Variants in SYNE2 observed in about 807,000 individuals in gnomAD.
The protein encoded by SYNE2 is spectrin repeat containing nuclear envelope protein 2, also known as nesprin-2.
Under a neutral mutation model 856.3 loss-of-function variants are expected in SYNE2, and 431 were observed. The observed-to-expected ratio is 0.50, with a 90% CI of 0.47 to 0.55. The LOEUF (loss-of-function observed/expected upper bound fraction) is 0.55. SYNE2 is among the 20% of genes least tolerant of loss of function. SYNE2 has a pLI of 0.00. For synonymous variants in SYNE2, 2,923 were observed against 2,872.3 expected (o/e 1.02, Z -0.56); for missense variants, 8,129 against 8,023.2 (o/e 1.01, Z -0.50).
At chr14:64,113,592 T>G in intron 66 of SYNE2, 21 bp downstream of exon 66, 16 of 1,582,412 alleles carry the variant, frequency 1.0e-5, no homozygotes, top group Non-Finnish European at 1.4e-5. Context: ...GAAGTCAGAG[T>G]TCATGGTTTG....
chr14:63,990,661 C>T (rs2096659705), intron 20 of SYNE2, 92 bp downstream of exon 20: 1 of 1,134,422 alleles, frequency 8.8e-7, no homozygotes, highest in East Asian at 2.3e-5. Context: ...AGCCCTGTAG[C>T]TTGGAAATGT....
intron 1 of SYNE2, among the ~76,000 whole-genome samples, chr14:63,825,555 T>C (rs1300252301): frequency 6.6e-6 from 1 of 152,146 alleles, no homozygotes; most frequent in Non-Finnish European, 1.5e-5. Flanking sequence ...GCAAGACTTA[T>C]TCAATGGAAA....
chr14:63,965,296 C>G (rs111393753), intron 10 of SYNE2, among the ~76,000 whole-genome samples: 33 of 152,202 alleles, frequency 2.2e-4, no homozygotes, highest in African/African-American at 7.9e-4. Context: ...AGATACCTTG[C>G]TGGTTTGCAT....
At chr14:64,092,322 T>A (rs993094884) in intron 60 of SYNE2, among the ~76,000 whole-genome samples, 2 of 152,206 alleles carry the variant, frequency 1.3e-5, no homozygotes, top group Non-Finnish European at 2.9e-5. Context: ...GGCAATCAGA[T>A]GTCCCCTCAT....
intron 49 of SYNE2, among the ~76,000 whole-genome samples, chr14:64,061,397 G>C (rs1015805189): frequency 6.6e-6 from 1 of 152,164 alleles, no homozygotes; most frequent in African/African-American, 2.4e-5. Context: ...TAAATATCTA[G>C]GAGTGTGATC....
rs1217220491 is a variant in SYNE2, at chr14:64,017,366, A to C, written c.4888-229A>C. On this transcript the variant is annotated intron_variant, in intron 33 of 115. Coordinates refer to ENST00000555002, the MANE Select transcript of SYNE2 (RefSeq NM_182914.3). ...AAAAAAAAAAAAAGAAATTAGGAAG[A>C]CTATTGATTTCAATTGCATATAAGC... is the stretch of plus-strand genomic sequence containing the variant. Among the ~76,000 whole-genome samples the C allele has an allele frequency of 2.0e-5, 3 of 150,866 alleles. No homozygotes were observed. The South Asian group carries it at 6.3e-4, about 32-fold the overall frequency.
intron 55 of SYNE2, among the ~76,000 whole-genome samples, chr14:64,080,127 T>A (rs955609854): frequency 6.6e-6 from 1 of 152,190 alleles, no homozygotes; most frequent in Non-Finnish European, 1.5e-5. Context: ...AAGCCCTTTT[T>A]AAACAGAATG....
At chr14:64,124,438 C>A (rs917775631) in intron 70 of SYNE2, among the ~76,000 whole-genome samples, 2 of 145,044 alleles carry the variant, frequency 1.4e-5, no homozygotes, top group Admixed American at 1.4e-4. Context: ...TGGTCTTGAA[C>A]TCCCTTGCAC....
intron 19 of SYNE2, among the ~76,000 whole-genome samples, chr14:63,986,974 C>T (rs563208035): frequency 2.0e-5 from 3 of 152,136 alleles, no homozygotes; most frequent in Non-Finnish European, 4.4e-5. Flanking sequence ...TATAATCAGG[C>T]TGGGCGCGGT....
intron 1 of SYNE2, among the ~76,000 whole-genome samples, chr14:63,862,142 A>G (rs1419546367): frequency 6.6e-6 from 1 of 152,236 alleles, no homozygotes; most frequent in Non-Finnish European, 1.5e-5. Flanking sequence ...TTGAAACCAA[A>G]TCATGTGTAG....
At chr14:64,189,053 G>C (rs1028274161) in intron 98 of SYNE2, 3 of 695,012 alleles carry the variant, frequency 4.3e-6, no homozygotes, top group Non-Finnish European at 7.9e-6. Flanking sequence ...GCTCCCCTTG[G>C]CCTGGCGTGG....
At chr14:64,184,840 A>C (rs2098480583) in intron 96 of SYNE2, among the ~76,000 whole-genome samples, 2 of 152,252 alleles carry the variant, frequency 1.3e-5, no homozygotes, top group African/African-American at 4.8e-5. Flanking sequence ...TCTCTGGGCC[A>C]TTTTATTAAA....
intron 13 of SYNE2, 41 bp from the exon 14 acceptor site, chr14:63,978,811 A>G (rs367781087): frequency 1.9e-6 from 3 of 1,566,888 alleles, no homozygotes; most frequent in African/African-American, 1.4e-5. Context: ...CATTTGGTCA[A>G]TAATATTAAG....
chr14:64,105,758 T>C (rs941820429), intron 64 of SYNE2, among the ~76,000 whole-genome samples: 1 of 148,308 alleles, frequency 6.7e-6, no homozygotes, highest in African/African-American at 2.6e-5. Flanking sequence ...TCAAACTGCC[T>C]TCTAGAAAGG....
upstream of SYNE2, among the ~76,000 whole-genome samples, chr14:63,850,872 C>T (rs919903116): frequency 7.9e-5 from 12 of 152,122 alleles, no homozygotes; most frequent in Non-Finnish European, 1.8e-4. Flanking sequence ...TCTCCAGAGA[C>T]TGTTACCATT....
At chr14:64,118,898 A>G (rs556211751) in intron 66 of SYNE2, among the ~76,000 whole-genome samples, 1 of 150,984 alleles carries the variant, frequency 6.6e-6, no homozygotes, top group Admixed American at 6.6e-5. Context: ...AGGTAGGGGG[A>G]AAATAAGAAT....
chr14:64,149,496 C>T (rs924085445), intron 84 of SYNE2, among the ~76,000 whole-genome samples: 1 of 151,970 alleles, frequency 6.6e-6, no homozygotes, highest in Non-Finnish European at 1.5e-5. Context: ...CTTCTAAAAG[C>T]CATTGATGAC....
chr14:64,210,266 A>G (rs2098633347), intron 103 of SYNE2, 142 bp downstream of exon 103: 5 of 1,112,482 alleles, frequency 4.5e-6, no homozygotes, highest in Non-Finnish European at 6.2e-6. Flanking sequence ...TCCAACACAA[A>G]GAAGCCCAAA....
Position 64,056,710 on chromosome 14 carries a change from G to T in SYNE2, c.10067+444G>T, listed in dbSNP as rs553425389. Among the ~76,000 whole-genome samples the T allele has an allele frequency of 2.0e-4, 29 of 146,648 alleles. No homozygotes were observed. In the South Asian group the frequency reaches 5.8e-3, roughly 30 times the overall value. The stretch of plus-strand genomic sequence containing the variant: ...TTTGAGACAAAGTTTCGCTTTTGTT[G>T]CCCAGGCTGGAGTGCAGTGGCACGA... On this transcript the variant is annotated intron_variant, in intron 49 of 115. Coordinates refer to ENST00000555002, the MANE Select transcript of SYNE2 (RefSeq NM_182914.3).
Sources: allele counts gnomAD v4.1 joint callset (sites outside exome capture counted in the v4.1 genomes callset), GRCh38; gene constraint gnomAD v4.1.1; transcripts MANE v1.5; gene names NCBI Gene and HGNC (gene_info 2026-07-23, HGNC 2026-07-21).